PRR16: variants seen among roughly 807,000 people sequenced by gnomAD.
PRR16 encodes the protein proline rich 16, also known as protein Largen.
A neutral mutation model predicts 18.2 loss-of-function variants in PRR16; 6 were observed. That is an observed-to-expected ratio of 0.33 (90% CI 0.18 to 0.65). The LOEUF is 0.65. PRR16 is among the 30% of genes least tolerant of loss of function. The pLI is 0.74. For missense variants in PRR16, 412 were observed against 376.6 expected, an observed-to-expected ratio of 1.09 and a Z score of -0.78; for synonymous variants, 151 against 147.8, an observed-to-expected ratio of 1.02 and a Z score of -0.16.
intron 1 of PRR16, among the ~76,000 whole-genome samples, chr5:120,485,978 C>T (rs1318513561): frequency 6.6e-6 from 1 of 152,152 alleles, no homozygotes; most frequent in Non-Finnish European, 1.5e-5. Flanking sequence ...AGGACATGAA[C>T]TCATCATTTC....
chr5:120,534,570 A>T lies in PRR16; in HGVS notation c.159+69925A>T, dbSNP rs1199661248. Among the ~76,000 whole-genome samples the T allele has an allele frequency of 2.6e-5, 4 of 152,088 alleles. No individual in the cohort carries two copies. The East Asian group carries it at 5.8e-4, about 22-fold the overall frequency. The stretch of plus-strand genomic sequence containing the variant: ...TTTGTATATATCATTTTATAGATGG[A>T]ATTATGAATCTATCTGTACTTAGAA... On this transcript the variant is annotated intron_variant, in intron 1 of 1. Transcript: ENST00000407149.
intron 1 of PRR16, among the ~76,000 whole-genome samples, chr5:120,482,321 G>T (rs1749646572): frequency 6.6e-6 from 1 of 152,012 alleles, no homozygotes; most frequent in Non-Finnish European, 1.5e-5. Context: ...TATCACTGCT[G>T]TCTTCATGTT....
chr5:120,791,394 T>C, the PRR16 span, among the ~76,000 whole-genome samples: 2 of 152,050 alleles, frequency 1.3e-5, no homozygotes, highest in Non-Finnish European at 2.9e-5. Flanking sequence ...GTTATAACTA[T>C]TGAGAATTAA....
chr5:120,714,252 G>A, the PRR16 span, among the ~76,000 whole-genome samples: 1 of 152,124 alleles, frequency 6.6e-6, no homozygotes, highest in African/African-American at 2.4e-5. Context: ...AGAACATAAT[G>A]TAAAATGTAT....
the PRR16 span, among the ~76,000 whole-genome samples, chr5:120,704,559 A>T: frequency 6.6e-6 from 1 of 152,184 alleles, no homozygotes; most frequent in Non-Finnish European, 1.5e-5. Flanking sequence ...GAGTATTTTA[A>T]AACTCATGAG....
intron 1 of PRR16, among the ~76,000 whole-genome samples, chr5:120,467,764 A>C (rs1189301261): frequency 6.6e-6 from 1 of 152,198 alleles, no homozygotes; most frequent in African/African-American, 2.4e-5. Flanking sequence ...AGAAAGTCAA[A>C]GAGCAGCCTT....
At chr5:120,521,904 G>A (rs918249154) in intron 1 of PRR16, among the ~76,000 whole-genome samples, 21 of 152,068 alleles carry the variant, frequency 1.4e-4, no homozygotes, top group Admixed American at 2.0e-4. Flanking sequence ...TCCCACCTAT[G>A]AGTGAGAACA....
intron 1 of PRR16, among the ~76,000 whole-genome samples, chr5:120,637,524 C>T (rs572370740): frequency 1.3e-5 from 2 of 152,018 alleles, no homozygotes; most frequent in Non-Finnish European, 2.9e-5. Context: ...GAATTGGAGA[C>T]TATTATTCTA....
intron 1 of PRR16, among the ~76,000 whole-genome samples, chr5:120,562,281 G>A (rs1035145411): frequency 2.7e-4 from 41 of 151,800 alleles, no homozygotes; most frequent in Admixed American, 2.1e-3. Context: ...TATTTTTTCT[G>A]ATATAAGTAT....
chr5:120,782,707 G>GAA, the PRR16 span, among the ~76,000 whole-genome samples: 2 of 152,182 alleles, frequency 1.3e-5, no homozygotes, highest in East Asian at 1.9e-4. Flanking sequence ...GAGAAAGAAA[G>GAA]AGCTTTTATC....
At chr5:120,479,318 G>A (rs1749537920) in intron 1 of PRR16, among the ~76,000 whole-genome samples, 1 of 151,986 alleles carries the variant, frequency 6.6e-6, no homozygotes, top group Non-Finnish European at 1.5e-5. Flanking sequence ...GAGACTGTTG[G>A]ACCTCTGTCT....
chr5:120,766,530 G>C, the PRR16 span, among the ~76,000 whole-genome samples: 1 of 151,598 alleles, frequency 6.6e-6, no homozygotes, highest in African/African-American at 2.4e-5. Context: ...TTCTTTGTGG[G>C]TTATGTTTTC....
At chr5:120,590,502 T>C (rs1174112267) in intron 1 of PRR16, among the ~76,000 whole-genome samples, 1 of 50,106 alleles carries the variant, frequency 2.0e-5, no homozygotes, top group Non-Finnish European at 3.6e-5. Flanking sequence ...CTATAAAGCC[T>C]GATTCAGTGT....
At chr5:120,791,942 GTAATATAT>G in the PRR16 span, among the ~76,000 whole-genome samples, 1 of 152,072 alleles carries the variant, frequency 6.6e-6, no homozygotes, top group African/African-American at 2.4e-5. Flanking sequence ...CCTCTGAAAA[GTAATATAT>G]TGTACATTAA....
intron 1 of PRR16, among the ~76,000 whole-genome samples, chr5:120,621,936 A>G (rs1185996580): frequency 6.6e-6 from 1 of 152,196 alleles, no homozygotes; most frequent in African/African-American, 2.4e-5. Context: ...CTTAGCATGC[A>G]CAAACTGGCT....
intron 1 of PRR16, among the ~76,000 whole-genome samples, chr5:120,642,092 T>A (rs1180576783): frequency 6.6e-6 from 1 of 152,110 alleles, no homozygotes; most frequent in East Asian, 1.9e-4. Flanking sequence ...TCTCTATTTA[T>A]CCGTTCCTTT....
At chr5:120,754,279 TATAAATATATA>T in the PRR16 span, among the ~76,000 whole-genome samples, 2 of 97,120 alleles carry the variant, frequency 2.1e-5, no homozygotes, top group Admixed American at 1.6e-4. Flanking sequence ...TAAAATAATA[TATAAATATATA>T]ATATATAATA....
intron 1 of PRR16, among the ~76,000 whole-genome samples, chr5:120,548,121 A>T (rs1752131030): frequency 6.6e-6 from 1 of 152,076 alleles, no homozygotes; most frequent in Non-Finnish European, 1.5e-5. Flanking sequence ...TTAGAAAAAA[A>T]CACAAAAATG....
Position 120,598,264 on chromosome 5 carries a change from TA to T in PRR16, c.160-87689del, listed in dbSNP as rs201718659. On this transcript the variant is annotated intron_variant, in intron 1 of 1. Transcript: ENST00000407149. ...ACATTAATGTAGCAATCCTCTTTTT[TA>T]TACAGCATAAATGTAGGCAATTTTT... is the stretch of plus-strand genomic sequence containing the variant. Among the ~76,000 whole-genome samples the T allele has an allele frequency of 7.0e-3, 1,071 of 151,984 alleles. 27 individuals carry two copies. The highest frequency in any genetic ancestry group is 0.025 in the African/African-American group (1,027 of 41,520).
Sources: gnomAD v4.1 joint callset for allele counts (sites outside exome capture counted in the v4.1 genomes callset) on GRCh38, gnomAD v4.1.1 for gene constraint, MANE v1.5 for transcripts, NCBI Gene and HGNC (gene_info 2026-07-23, HGNC 2026-07-21) for gene names.